SPATA6: variants seen among roughly 807,000 people sequenced by gnomAD.
The protein encoded by SPATA6 is spermatogenesis-associated protein 6.
A neutral mutation model predicts 65.3 loss-of-function variants in SPATA6; 56 were observed. The ratio of observed to expected loss-of-function variants is 0.86; its 90% CI spans 0.69 to 1.07. SPATA6 has a LOEUF of 1.07. Ranked by LOEUF, SPATA6 falls within the 50% of genes least tolerant of loss-of-function variation. SPATA6 has a pLI of 0.00. For missense variants in SPATA6, 590 were observed against 594.8 expected (o/e 0.99, Z 0.08); for synonymous variants, 199 against 213.2 (o/e 0.93, Z 0.58).
intron 5 of SPATA6, among the ~76,000 whole-genome samples, chr1:48,408,853 T>A (rs112244009): frequency 0.015 from 2,260 of 152,072 alleles, 54 homozygotes; most frequent in African/African-American, 0.052. Flanking sequence ...GAAAGACCCA[T>A]CCCCATGATT....
At chr1:48,410,956 GATTT>G (rs1190294541) in intron 5 of SPATA6, among the ~76,000 whole-genome samples, 1 of 152,114 alleles carries the variant, frequency 6.6e-6, no homozygotes, top group Non-Finnish European at 1.5e-5. Context: ...ACTTTTATCA[GATTT>G]ATTAAATTTT....
chr1:48,282,718 C>G, the SPATA6 span, among the ~76,000 whole-genome samples: 1 of 152,140 alleles, frequency 6.6e-6, no homozygotes, highest in South Asian at 2.1e-4. Context: ...AATAGGAACA[C>G]TTTTACACTG....
At chr1:48,380,797 G>A (rs1037867298) in intron 9 of SPATA6, among the ~76,000 whole-genome samples, 1 of 151,700 alleles carries the variant, frequency 6.6e-6, no homozygotes, top group Non-Finnish European at 1.5e-5. Flanking sequence ...GGATGAGACT[G>A]GACTAAGTTA....
At chr1:48,418,711 G>A (rs553214860) in intron 3 of SPATA6, among the ~76,000 whole-genome samples, 1 of 149,050 alleles carries the variant, frequency 6.7e-6, no homozygotes, top group Non-Finnish European at 1.5e-5. Flanking sequence ...AACAAAACAA[G>A]ACCCAGAAAA....
At chr1:48,374,925 G>T (rs185587214) in intron 9 of SPATA6, among the ~76,000 whole-genome samples, 1 of 152,244 alleles carries the variant, frequency 6.6e-6, no homozygotes. Flanking sequence ...TGTCAAGGTA[G>T]TGCTCTCCCA....
intron 1 of SPATA6, among the ~76,000 whole-genome samples, chr1:48,454,763 GA>G (rs767662355): frequency 2.0e-5 from 3 of 152,098 alleles, no homozygotes; most frequent in Non-Finnish European, 2.9e-5. Flanking sequence ...GGAGCCCCGG[GA>G]AAGTTAAAGT....
At chr1:48,378,647 G>C (rs979344582) in intron 9 of SPATA6, among the ~76,000 whole-genome samples, 1 of 152,174 alleles carries the variant, frequency 6.6e-6, no homozygotes, top group African/African-American at 2.4e-5. Context: ...GATCTCATGA[G>C]ACTTATTCAC....
At chr1:48,324,747 C>G (rs774170038) in intron 11 of SPATA6, among the ~76,000 whole-genome samples, 1 of 152,024 alleles carries the variant, frequency 6.6e-6, no homozygotes, top group African/African-American at 2.4e-5. Flanking sequence ...CATACCGAGT[C>G]GGGAATAAGT....
chr1:48,359,696 C>T lies in SPATA6; in HGVS notation c.984G>A (p.Ser328=), dbSNP rs751218089. 64 of 1,613,576 alleles carry T rather than the reference C, an allele frequency of 4.0e-5. No homozygotes were observed. Among genetic ancestry groups the T allele is most frequent in the Non-Finnish European group, 4.4e-5 (52 of 1,179,814 alleles). Reference sequence around the variant, plus strand: ...TCGCTGAATGCCGGGGCTTACTACACGACCTTGGGCTCAAATACTCTTCAC... The same window carrying T: ...TCGCTGAATGCCGGGGCTTACTACATGACCTTGGGCTCAAATACTCTTCAC... ...EKCEEYLSPR[S]CSKPRHSART... Residue 328 remains serine (S), a synonymous_variant, in exon 10 of 13, where the codon TCG becomes TCA. Coordinates refer to ENST00000371847, the MANE Select transcript of SPATA6 (RefSeq NM_019073.4).
chr1:48,362,064 C>T (rs536434729), intron 9 of SPATA6, among the ~76,000 whole-genome samples: 8 of 152,094 alleles, frequency 5.3e-5, no homozygotes, highest in African/African-American at 1.7e-4. Context: ...AAAACAAGAT[C>T]AAGGAGGCTG....
intron 9 of SPATA6, among the ~76,000 whole-genome samples, chr1:48,365,506 G>T (rs545068950): frequency 3.1e-4 from 46 of 147,674 alleles, no homozygotes; most frequent in African/African-American, 4.7e-4. Context: ...CCTTGAAGAG[G>T]TCCTTCACAT....
chr1:48,277,716 C>A, the SPATA6 span, among the ~76,000 whole-genome samples: 2 of 152,230 alleles, frequency 1.3e-5, no homozygotes, highest in Non-Finnish European at 2.9e-5. Context: ...CTCAAGGAGG[C>A]CTGCCTGCCT....
intron 11 of SPATA6, among the ~76,000 whole-genome samples, chr1:48,333,047 G>A (rs1016976784): frequency 6.6e-6 from 1 of 152,196 alleles, no homozygotes; most frequent in African/African-American, 2.4e-5. Context: ...GAAGGATGCA[G>A]AGTATTGTGT....
At chr1:48,328,300 G>A (rs539739760) in intron 11 of SPATA6, among the ~76,000 whole-genome samples, 3 of 152,200 alleles carry the variant, frequency 2.0e-5, no homozygotes, top group African/African-American at 4.8e-5. Flanking sequence ...TCGCATAAAT[G>A]TTGACAGTAT....
At chr1:48,462,487 GA>G (rs1657520991) in intron 1 of SPATA6, among the ~76,000 whole-genome samples, 1 of 152,120 alleles carries the variant, frequency 6.6e-6, no homozygotes, top group South Asian at 2.1e-4. Context: ...ACAGTGTACT[GA>G]AATACATCAA....
rs144112351 is a variant in SPATA6 at position 48,375,405 on chromosome 1, G to A, written c.909+9904C>T. Among the ~76,000 whole-genome samples, 10 of 152,180 alleles carry A rather than the reference G, an allele frequency of 6.6e-5. No homozygotes were observed. The East Asian group carries it at 1.7e-3, about 26-fold the overall frequency. On this transcript the variant is annotated intron_variant, in intron 9 of 12. Transcript: ENST00000371847. Reference sequence around the variant, plus strand: ...AGATAAAAGCCACTAACCCATTTTTGAGCCAGGCCCAAAGACTCACAGGTT... The same window carrying A: ...AGATAAAAGCCACTAACCCATTTTTAAGCCAGGCCCAAAGACTCACAGGTT...
At chr1:48,404,021 A>G in intron 5 of SPATA6, 139 bp from the exon 6 acceptor site, 2 of 586,374 alleles carry the variant, frequency 3.4e-6, no homozygotes, top group South Asian at 5.4e-5. Flanking sequence ...TTCATTAAAG[A>G]TAAAGACAAC....
intron 3 of SPATA6, among the ~76,000 whole-genome samples, chr1:48,430,834 C>T (rs1292062076): frequency 2.0e-5 from 3 of 151,872 alleles, no homozygotes. Flanking sequence ...CAACTAAACA[C>T]AAAAGAAGAC....
intron 11 of SPATA6, among the ~76,000 whole-genome samples, chr1:48,324,851 C>A (rs967072746): frequency 1.3e-5 from 2 of 152,104 alleles, no homozygotes; most frequent in Non-Finnish European, 2.9e-5. Context: ...CTGGAGCAAT[C>A]AGACCAGAAA....
Sources: gnomAD v4.1 joint callset for allele counts (sites outside exome capture counted in the v4.1 genomes callset) on GRCh38, gnomAD v4.1.1 for gene constraint, MANE v1.5 for transcripts, NCBI Gene and HGNC (gene_info 2026-07-23, HGNC 2026-07-21) for gene names.